ADAMTS7: variants seen among roughly 807,000 people sequenced by gnomAD.
ADAMTS7 encodes the protein ADAM metallopeptidase with thrombospondin type 1 motif 7, also known as A disintegrin and metalloproteinase with thrombospondin motifs 7.
ADAMTS7 carries 89 observed loss-of-function variants against 172.6 expected under a neutral mutation model. The observed-to-expected ratio is 0.52, with a 90% CI of 0.43 to 0.61. The LOEUF (loss-of-function observed/expected upper bound fraction) is 0.61, where lower values mean the gene tolerates loss of function less well. ADAMTS7 is among the 20% of genes least tolerant of loss of function. The probability of loss-of-function intolerance (pLI) is 0.00; values close to 1 mark genes in which losing one functional copy is unlikely to be tolerated. For synonymous variants in ADAMTS7, 885 were observed against 978.4 expected (o/e 0.90, Z 1.78); for missense variants, 1,973 against 2,355.6 (o/e 0.84, Z 3.36).
At position 78,765,695 on chromosome 15, in the gene ADAMTS7, C is replaced by T; in HGVS notation, c.4216G>A (p.Asp1406Asn). 1 of 1,610,598 alleles carries T rather than the reference C, an allele frequency of 6.2e-7. No homozygotes were observed. Among genetic ancestry groups the T allele is most frequent in the East Asian group, 2.2e-5 (1 of 44,834 alleles). The change falls in exon 19 of 24, where the codon GAC becomes AAC. Residue 1406 changes from aspartate to asparagine, a missense_variant. By Grantham distance (23) the Asp-to-Asn change is conservative. Around this residue, in one of 8 missense-constraint regions of ADAMTS7, gnomAD observed 771 missense variants for 952.6 expected, o/e 0.81. Transcript: ENST00000388820. ...CCGGCGTTCCTGACAACCAACGGGTCCGCGGGGGGCCCCGCTTCAGCCAGG... is the reference window on the plus strand; with the variant it reads ...CCGGCGTTCCTGACAACCAACGGGTTCGCGGGGGGCCCCGCTTCAGCCAGG... ...PSLAEAGPPADPLVVRNAGWQ... is the reference protein window; with the variant it reads ...PSLAEAGPPANPLVVRNAGWQ...
chr15:78,784,591 C>G (rs2055476709), intron 8 of ADAMTS7, among the ~76,000 whole-genome samples: 1 of 152,040 alleles, frequency 6.6e-6, no homozygotes, highest in Non-Finnish European at 1.5e-5. Flanking sequence ...CTGAAGGGCA[C>G]AAGTTTCTAG....
chr15:78,764,232 G>A, intron 20 of ADAMTS7, 133 bp from the exon 21 acceptor site: 1 of 1,305,716 alleles, frequency 7.7e-7, no homozygotes, highest in Non-Finnish European at 1.0e-6. Flanking sequence ...ACCCCAGCGA[G>A]AGGCCAAGGC....
intron 1 of ADAMTS7, among the ~76,000 whole-genome samples, chr15:78,808,529 G>C (rs8029039): frequency 0.82 from 124,274 of 152,198 alleles, 51,217 homozygotes; most frequent in East Asian, 0.98. Flanking sequence ...AGCCACTGCA[G>C]CCCGCCAGCA....
rs749750324 is a variant in ADAMTS7, at chr15:78,789,683, C to T, written c.1178+6G>A. The T allele has an allele frequency of 6.2e-7, 1 of 1,613,638 alleles. No homozygotes were observed. The highest frequency in any genetic ancestry group is 1.7e-5 in the Admixed American group (1 of 60,006). ...CTCAGTGTAGCAATGGGGGCAGGCA[C>T]AGTACCTGTGCCCGAGCTCGTGGGC... On this transcript the variant is annotated splice_donor_region_variant and intron_variant, in intron 7 of 23. Transcript: ENST00000388820.
Position 78,759,482 on chromosome 15 carries a change from G to A in ADAMTS7, c.5000C>T (p.Ser1667Leu), listed in dbSNP as rs749021827. The change falls in exon 24 of 24, where the codon TCG becomes TTG. Residue 1667 changes from serine to leucine, a missense_variant. Transcript: ENST00000388820. ...LPTIRTQCCRSCSPPSHGAPS... is the reference protein window; with the variant it reads ...LPTIRTQCCRLCSPPSHGAPS... ...GGCGCCGTGGCTGGGCGGAGAGCACGAGCGGCAGCACTGGGTGCGGATGGT... is the reference window on the plus strand; with the variant it reads ...GGCGCCGTGGCTGGGCGGAGAGCACAAGCGGCAGCACTGGGTGCGGATGGT... 43 of 1,596,982 alleles carry A rather than the reference G, an allele frequency of 2.7e-5. No homozygotes were observed. The highest frequency in any genetic ancestry group is 1.1e-4 in the South Asian group (10 of 90,286).
chr15:78,788,299 C>A lies in ADAMTS7; in HGVS notation c.1254G>T (p.Gln418His), dbSNP rs1462733538. The change falls in exon 8 of 24, where the codon CAG becomes CAT. Residue 418 changes from glutamine to histidine, a missense_variant. Coordinates refer to ENST00000388820, the MANE Select transcript of ADAMTS7 (RefSeq NM_014272.5). Reference protein sequence around the residue: ...VGKRPFIMSPQLLYDAAPLTW... With the variant: ...VGKRPFIMSPHLLYDAAPLTW... The stretch of plus-strand genomic sequence containing the variant: ...TGAGGGGAGCGGCGTCGTACAGGAG[C>A]TGTGGAGACATGATGAAAGGTCGTT... 12 of 1,613,674 alleles carry A rather than the reference C, an allele frequency of 7.4e-6. No homozygotes were observed. The South Asian group carries it at 1.3e-4, about 18-fold the overall frequency.
chr15:78,800,331 A>C lies in ADAMTS7; in HGVS notation c.317T>G (p.Phe106Cys). ...GCCGCGCCGCCGCGTCTCGCTCACA[A>C]AGCCGGGCGCCAGCAGGTGCTGATT... ...TANQHLLAPG[F>C]VSETRRRGGL... The change falls in exon 2 of 24, where the codon TTT becomes TGT. Residue 106 changes from phenylalanine (F) to cysteine (C), a missense_variant. Around this residue, in one of 8 missense-constraint regions of ADAMTS7, gnomAD observed 306 missense variants for 288.0 expected, o/e 1.06. Coordinates refer to ENST00000388820, the MANE Select transcript of ADAMTS7 (RefSeq NM_014272.5). 2 of 1,600,660 alleles carry C rather than the reference A, an allele frequency of 1.2e-6. No homozygotes were observed. Among genetic ancestry groups the C allele is most frequent in the South Asian group, 1.1e-5 (1 of 90,232 alleles).
At chr15:78,800,148 A>G in intron 2 of ADAMTS7, 44 bp downstream of exon 2, 1 of 1,527,536 alleles carries the variant, frequency 6.5e-7, no homozygotes, top group Non-Finnish European at 8.8e-7. Flanking sequence ...TGCACATCCC[A>G]CCACCCGAGA....
chr15:78,784,383 A>AGAGAGG lies in ADAMTS7; in HGVS notation c.1322+3842_1322+3847dup, dbSNP rs1309147560. 8.8e-4 allele frequency among the ~76,000 whole-genome samples: 95 copies of AGAGAGG among 107,690 alleles called. 1 individual carries two copies. The highest frequency in any genetic ancestry group is 3.2e-3 in the African/African-American group (90 of 28,238). The allele number at this position is 107,690 out of a possible 152,430, so 70.6% of individuals were successfully genotyped here. On this transcript the variant is annotated intron_variant, in intron 8 of 23. Coordinates refer to ENST00000388820, the MANE Select transcript of ADAMTS7 (RefSeq NM_014272.5). The stretch of plus-strand genomic sequence containing the variant: ...CAAAGAAAGAAAGAAAGACAGAGAG[A>AGAGAGG]GAGAGGGAGAGGGAGAGGAAGAGGG...
At chr15:78,769,891 G>C (rs893037383) in intron 16 of ADAMTS7, among the ~76,000 whole-genome samples, 3 of 152,262 alleles carry the variant, frequency 2.0e-5, no homozygotes, top group South Asian at 2.1e-4. Context: ...GCCAGGGGCA[G>C]TGGCTCACAC....
rs764569271 is a variant in ADAMTS7, at chr15:78,798,156, C to A, written c.457-43G>T. The A allele has an allele frequency of 6.6e-6, 10 of 1,504,942 alleles. No homozygotes were observed. In the South Asian group the frequency reaches 1.4e-4, roughly 20 times the overall value. 93.2% of individuals were successfully genotyped at this position (1,504,942 alleles called of 1,614,324 possible). A position where few individuals can be genotyped will look rare whatever the true frequency, so the allele number is the denominator to read the frequency against. On this transcript the variant is annotated intron_variant, in intron 2 of 23. Coordinates refer to ENST00000388820, the MANE Select transcript of ADAMTS7 (RefSeq NM_014272.5). ...GGGTCACACAGGGAGGGCTGGCCCT[C>A]AGCTGCTCTTCTTGCACGTCCCAGA...
intron 10 of ADAMTS7, chr15:78,776,538 C>A (rs1175045561): frequency 1.2e-6 from 1 of 821,514 alleles, no homozygotes; most frequent in Admixed American, 2.8e-5. Context: ...AGCCCACATG[C>A]TGACTCAGCT....
At chr15:78,785,893 G>A (rs2055494490) in intron 8 of ADAMTS7, among the ~76,000 whole-genome samples, 1 of 151,596 alleles carries the variant, frequency 6.6e-6, no homozygotes, top group Non-Finnish European at 1.5e-5. Context: ...GGAGAAGTGG[G>A]GCAGGTGTAC....
At chr15:78,761,794 G>C (rs953073217) in intron 23 of ADAMTS7, 1 of 971,660 alleles carries the variant, frequency 1.0e-6, no homozygotes, top group Non-Finnish European at 1.2e-6. Flanking sequence ...CGGCGGCAGG[G>C]GTGTCCAGAA....
intron 11 of ADAMTS7, 57 bp from the exon 12 acceptor site, chr15:78,774,850 CCACA>C: frequency 1.3e-6 from 2 of 1,531,168 alleles, no homozygotes; most frequent in Non-Finnish European, 8.8e-7. Context: ...TACTGCATGG[CCACA>C]GCCCAGAGCA....
At chr15:78,796,994 C>T (rs2055654476) in intron 3 of ADAMTS7, among the ~76,000 whole-genome samples, 1 of 152,204 alleles carries the variant, frequency 6.6e-6, no homozygotes, top group Admixed American at 6.5e-5. Context: ...CTTGAGATTC[C>T]CTGACTAAAA....
intron 1 of ADAMTS7, among the ~76,000 whole-genome samples, chr15:78,800,779 T>C (rs2055714513): frequency 6.6e-6 from 1 of 152,276 alleles, no homozygotes; most frequent in South Asian, 2.1e-4. Context: ...TTTGGGTTTT[T>C]TGTTTGTTTG....
At chr15:78,799,903 T>A (rs1317552917) in intron 2 of ADAMTS7, among the ~76,000 whole-genome samples, 2 of 151,462 alleles carry the variant, frequency 1.3e-5, no homozygotes, top group Non-Finnish European at 2.9e-5. Context: ...CACCACACCC[T>A]ACATCCTTGA....
chr15:78,764,829 A>T, intron 19 of ADAMTS7, 122 bp from the exon 20 acceptor site: 1 of 1,143,422 alleles, frequency 8.7e-7, no homozygotes, highest in Non-Finnish European at 1.2e-6. Context: ...TCTGGGCCTC[A>T]GTTTCCTTAT....
Sources: allele counts gnomAD v4.1 joint callset (sites outside exome capture counted in the v4.1 genomes callset), GRCh38; gene constraint gnomAD v4.1.1; regional missense constraint gnomAD v4.1.1; transcripts MANE v1.5; gene names NCBI Gene and HGNC (gene_info 2026-07-23, HGNC 2026-07-21).